Variants in EPYC observed in about 807,000 individuals in gnomAD.
The protein encoded by EPYC is epiphycan.
EPYC carries 28 observed loss-of-function variants against 30.1 expected under a neutral mutation model. That is an observed-to-expected ratio of 0.93 (90% CI 0.69 to 1.28). The LOEUF (loss-of-function observed/expected upper bound fraction) is 1.28, where lower values mean the gene tolerates loss of function less well. Among genes scored for constraint, EPYC ranks in the 50% most tolerant of loss-of-function variants. The pLI is 0.00. For missense variants in EPYC, 382 were observed against 383.5 expected, an observed-to-expected ratio of 1.00 and a Z score of 0.03; for synonymous variants, 144 against 141.4, an observed-to-expected ratio of 1.02 and a Z score of -0.13.
At chr12:91,000,056 A>G (rs927997366) in intron 2 of EPYC, among the ~76,000 whole-genome samples, 3 of 152,046 alleles carry the variant, frequency 2.0e-5, no homozygotes, top group Admixed American at 1.3e-4. Context: ...GTATATGCCT[A>G]TTTATATCTG....
chr12:90,967,154 A>G (rs1374292652), intron 6 of EPYC, among the ~76,000 whole-genome samples: 1 of 151,928 alleles, frequency 6.6e-6, no homozygotes, highest in Non-Finnish European at 1.5e-5. Context: ...GCTTTGGGTT[A>G]GTTTCCTCTA....
At chr12:90,995,922 G>A (rs529069433) in intron 2 of EPYC, among the ~76,000 whole-genome samples, 1 of 151,852 alleles carries the variant, frequency 6.6e-6, no homozygotes, top group Admixed American at 6.6e-5. Context: ...AGAGAGATTA[G>A]CTTTTATTTT....
intron 6 of EPYC, among the ~76,000 whole-genome samples, chr12:90,965,679 G>A (rs1219554660): frequency 6.6e-6 from 1 of 151,992 alleles, no homozygotes; most frequent in Non-Finnish European, 1.5e-5. Context: ...TACTTTAGTG[G>A]ATTCCTTAGA....
rs1877227746 is a variant in EPYC at position 90,978,000 on chromosome 12, T to C, written c.340+88A>G. 14 of 1,244,916 alleles carry C rather than the reference T, an allele frequency of 1.1e-5. No homozygotes were observed. The South Asian group carries it at 2.5e-4, about 22-fold the overall frequency. The allele number at this position is 1,244,916 out of a possible 1,614,324, so 77.1% of individuals were successfully genotyped here. On this transcript the variant is annotated intron_variant, in intron 3 of 6. Transcript: ENST00000261172. ...TCCAAAACTTTTTTCTTGGGTCATGTCATGTGGTTTCCCTGTAGAGTTGAA... is the reference window on the plus strand; with the variant it reads ...TCCAAAACTTTTTTCTTGGGTCATGCCATGTGGTTTCCCTGTAGAGTTGAA...
chr12:90,991,373 G>C lies in EPYC; in HGVS notation c.165+11028C>G, dbSNP rs569738872. On this transcript the variant is annotated intron_variant, in intron 2 of 6. Transcript: ENST00000261172. ...TGCATATTAATGGAGGGCTAGGCAG[G>C]ACAATAACAAGTGAAGTCCCAATTC... 2.0e-5 allele frequency among the ~76,000 whole-genome samples: 3 copies of C among 152,236 alleles called. No homozygotes were observed. In the East Asian group the frequency reaches 5.8e-4, roughly 29 times the overall value.
intron 2 of EPYC, among the ~76,000 whole-genome samples, chr12:90,983,536 C>G (rs1406281017): frequency 6.6e-6 from 1 of 152,116 alleles, no homozygotes; most frequent in African/African-American, 2.4e-5. Context: ...TTTTCTTATA[C>G]TTCCGGGCTG....
chr12:91,002,042 C>T (rs936551413), intron 2 of EPYC, among the ~76,000 whole-genome samples: 2 of 151,384 alleles, frequency 1.3e-5, no homozygotes, highest in African/African-American at 4.9e-5. Flanking sequence ...CAAAAATTAG[C>T]TGCGTGTGTC....
intron 2 of EPYC, among the ~76,000 whole-genome samples, chr12:90,996,905 A>T (rs1446594815): frequency 1.3e-5 from 2 of 152,082 alleles, no homozygotes; most frequent in Non-Finnish European, 1.5e-5. Context: ...AATACTTTTT[A>T]AAAATCTACA....
intron 2 of EPYC, among the ~76,000 whole-genome samples, chr12:90,997,361 G>A (rs1265023569): frequency 6.6e-6 from 1 of 151,860 alleles, no homozygotes; most frequent in African/African-American, 2.4e-5. Context: ...TTTACTGGAT[G>A]AGTGGATGTT....
At chr12:90,974,928 G>T (rs994051075) in intron 3 of EPYC, among the ~76,000 whole-genome samples, 5 of 152,024 alleles carry the variant, frequency 3.3e-5, no homozygotes, top group African/African-American at 9.7e-5. Flanking sequence ...TGATCAATTT[G>T]TCTTAGTTTA....
chr12:90,965,654 A>T (rs751495946), intron 6 of EPYC, among the ~76,000 whole-genome samples: 8 of 152,074 alleles, frequency 5.3e-5, no homozygotes, highest in Non-Finnish European at 1.0e-4. Context: ...TGCTGAACTT[A>T]TTTATTAGTT....
rs757354237 is a variant in EPYC, at chr12:90,972,941, G to A, written c.380C>T (p.Thr127Ile). 7 of 1,610,368 alleles carry A rather than the reference G, an allele frequency of 4.3e-6. No homozygotes were observed. The South Asian group carries it at 5.5e-5, about 13-fold the overall frequency. ...TCLLCTCIST[T>I]VYCDDHELDA... The stretch of plus-strand genomic sequence containing the variant: ...AAGTTCATGGTCATCACAGTACACG[G>A]TGGTACTTATACAAGTACACAAAAG... Residue 127 changes from threonine to isoleucine, a missense_variant, in exon 4 of 7, where the codon ACC becomes ATC. Physicochemically the swap from Thr to Ile is moderately conservative, Grantham distance 89 (BLOSUM62 -1). Coordinates refer to ENST00000261172, the MANE Select transcript of EPYC (RefSeq NM_004950.5).
In EPYC at chr12:91,002,395, G is replaced by C; in HGVS notation, c.165+6C>G. The stretch of plus-strand genomic sequence containing the variant: ...TTAAAGTTTCAAGAGTAGGAGGATC[G>C]ATTACCTCAACTTTATCAACAGGTA... On this transcript the variant is annotated splice_donor_region_variant and intron_variant, in intron 2 of 6. Transcript: ENST00000261172. 6.2e-7 allele frequency: 1 copy of C among 1,609,006 alleles called. No homozygotes were observed. The highest frequency in any genetic ancestry group is 8.5e-7 in the Non-Finnish European group (1 of 1,177,942).
At position 90,972,955 on chromosome 12, in the gene EPYC, A is replaced by G; in HGVS notation, c.366T>C (p.Thr122=). Residue 122 remains threonine (T), a synonymous_variant, in exon 4 of 7, where the codon ACT becomes ACC. Transcript: ENST00000261172. ...NEDFPTCLLC[T]CISTTVYCDD... is the part of the protein sequence containing the mutation. ...CACAGTACACGGTGGTACTTATACA[A>G]GTACACAAAAGACAGGTTGGAAAGT... The G allele has an allele frequency of 6.2e-7, 1 of 1,600,878 alleles. No individual in the cohort carries two copies. Among genetic ancestry groups the G allele is most frequent in the Non-Finnish European group, 8.5e-7 (1 of 1,172,692 alleles).
chr12:90,971,119 C>G (rs938060348), intron 5 of EPYC, among the ~76,000 whole-genome samples: 1 of 152,122 alleles, frequency 6.6e-6, no homozygotes. Flanking sequence ...AGTAGCTATC[C>G]TTTTAGCCAG....
At chr12:90,967,870 C>G (rs1431506101) in intron 6 of EPYC, among the ~76,000 whole-genome samples, 1 of 151,980 alleles carries the variant, frequency 6.6e-6, no homozygotes, top group Non-Finnish European at 1.5e-5. Context: ...ACTTGGGAGA[C>G]TAGGGTGGAA....
chr12:90,970,450 C>T (rs1208950366), intron 5 of EPYC, among the ~76,000 whole-genome samples: 2 of 152,174 alleles, frequency 1.3e-5, no homozygotes, highest in African/African-American at 4.8e-5. Context: ...CTGCTTCTTC[C>T]TATGAAAGGC....
At chr12:90,994,549 G>A (rs1877656764) in intron 2 of EPYC, among the ~76,000 whole-genome samples, 1 of 152,112 alleles carries the variant, frequency 6.6e-6, no homozygotes, top group Admixed American at 6.6e-5. Context: ...TCCCAATGAG[G>A]AGGAAATGGG....
chr12:90,993,548 T>C (rs1325292567), intron 2 of EPYC, among the ~76,000 whole-genome samples: 2 of 152,122 alleles, frequency 1.3e-5, no homozygotes, highest in African/African-American at 4.8e-5. Flanking sequence ...ACTATTTTCA[T>C]GAATCTCTAT....
Sources: allele counts gnomAD v4.1 joint callset (sites outside exome capture counted in the v4.1 genomes callset), GRCh38; gene constraint gnomAD v4.1.1; transcripts MANE v1.5; gene names NCBI Gene and HGNC (gene_info 2026-07-23, HGNC 2026-07-21).